The following CST8 variants were observed in gnomAD, a reference collection of about 807,000 sequenced individuals.
CST8 encodes cystatin 8, also known as cystatin-8.
CST8 carries 20 observed loss-of-function variants against 11.8 expected under a neutral mutation model. The ratio of observed to expected loss-of-function variants is 1.70; its 90% confidence interval spans 1.20 to 2.47. CST8 has a LOEUF of 2.47. CST8 is among the 30% of genes most tolerant of loss of function. The pLI is 0.00. For missense variants in CST8, 196 were observed against 167.2 expected, an observed-to-expected ratio of 1.17 and a Z score of -0.95; for synonymous variants, 77 against 63.1, an observed-to-expected ratio of 1.22 and a Z score of -1.05.
the CST8 span, among the ~76,000 whole-genome samples, chr20:23,503,958 A>G: frequency 1.3e-5 from 2 of 152,254 alleles, no homozygotes; most frequent in East Asian, 1.9e-4. Context: ...TGGTGAGAGC[A>G]TGGAACAGAC....
chr20:23,491,879 C>A lies in CST8; in HGVS notation c.212C>A (p.Thr71Lys). Reference protein sequence around the residue: ...EDKYVFLVVKTLQAQLQVTNL... With the variant: ...EDKYVFLVVKKLQAQLQVTNL... ...AAGTATGTCTTCCTGGTGGTCAAGACACTGCAAGCCCAGCTTCAGGTAAAG... is the reference window on the plus strand; with the variant it reads ...AAGTATGTCTTCCTGGTGGTCAAGAAACTGCAAGCCCAGCTTCAGGTAAAG... The change falls in exon 2 of 4, where the codon ACA (threonine) becomes AAA (lysine). Residue 71 changes from threonine to lysine, a missense_variant. Transcript: ENST00000246012. 2 of 1,614,066 alleles carry A rather than the reference C, an allele frequency of 1.2e-6. No homozygotes were observed. The highest frequency in any genetic ancestry group is 1.7e-6 in the Non-Finnish European group (2 of 1,179,902).
intron 3 of CST8, among the ~76,000 whole-genome samples, chr20:23,493,812 T>C (rs1416458987): frequency 6.6e-6 from 1 of 152,236 alleles, no homozygotes; most frequent in African/African-American, 2.4e-5. Flanking sequence ...ACATTGGTGG[T>C]TCTCCAATGT....
downstream of CST8, among the ~76,000 whole-genome samples, chr20:23,498,754 G>A (rs1304277292): frequency 6.6e-6 from 1 of 152,178 alleles, no homozygotes; most frequent in Non-Finnish European, 1.5e-5. Flanking sequence ...AACCAGGATT[G>A]GAATGTGATG....
chr20:23,499,275 T>TGTG (rs1988130352), downstream of CST8, among the ~76,000 whole-genome samples: 4 of 151,876 alleles, frequency 2.6e-5, no homozygotes, highest in African/African-American at 9.7e-5. Flanking sequence ...AATTTAATGT[T>TGTG]ATCTCTTTTC....
rs754575543 is a variant in CST8 at position 23,491,898 on chromosome 20, G to A, written c.231G>A (p.Gln77=). Reference sequence around the variant, plus strand: ...TCAAGACACTGCAAGCCCAGCTTCAGGTAAAGGTGTCTTTCCATATAGGTG... The same window carrying A: ...TCAAGACACTGCAAGCCCAGCTTCAAGTAAAGGTGTCTTTCCATATAGGTG... The part of the protein sequence containing the change: ...LVVKTLQAQL[Q]VTNLLEYLID... Residue 77 remains glutamine (Q), a splice_region_variant and synonymous_variant, in exon 2 of 4, where the codon CAG becomes CAA. Coordinates refer to ENST00000246012, the MANE Select transcript of CST8 (RefSeq NM_005492.4). 6.2e-7 allele frequency: 1 copy of A among 1,612,028 alleles called. No homozygotes were observed.
At chr20:23,499,912 ACAGTT>A (rs919448649), downstream of CST8, among the ~76,000 whole-genome samples, 7 of 152,230 alleles carry the variant, frequency 4.6e-5, no homozygotes, top group African/African-American at 1.7e-4. Flanking sequence ...TATTTGGCTC[ACAGTT>A]CTGTAAGCGG....
At chr20:23,500,667 C>T (rs1052397025), downstream of CST8, among the ~76,000 whole-genome samples, 7 of 151,134 alleles carry the variant, frequency 4.6e-5, no homozygotes, top group Non-Finnish European at 1.0e-4. Context: ...AACCTGGGGG[C>T]GGACGGTGCC....
chr20:23,506,866 C>T, the CST8 span, among the ~76,000 whole-genome samples: 61,865 of 151,748 alleles, frequency 0.41, 13,211 homozygotes, highest in Non-Finnish European at 0.47. Flanking sequence ...GTCTCATTGG[C>T]GAAGAGAAGT....
chr20:23,494,716 A>G (rs906284217), intron 3 of CST8, among the ~76,000 whole-genome samples: 19 of 152,208 alleles, frequency 1.2e-4, no homozygotes, highest in Admixed American at 1.2e-3. Flanking sequence ...CATTTCAATG[A>G]TATTTTGAAA....
chr20:23,506,027 C>T, the CST8 span, among the ~76,000 whole-genome samples: 1,991 of 150,898 alleles, frequency 0.013, 30 homozygotes, highest in African/African-American at 0.044. Context: ...TCCTGTATAC[C>T]ATTTTGCTCC....
chr20:23,492,108 C>T (rs1987905531), intron 2 of CST8, among the ~76,000 whole-genome samples: 1 of 152,178 alleles, frequency 6.6e-6, no homozygotes, highest in South Asian at 2.1e-4. Context: ...CTAAGTCCTT[C>T]GCATAGATTA....
At chr20:23,501,767 T>TA in the CST8 span, among the ~76,000 whole-genome samples, 12 of 152,242 alleles carry the variant, frequency 7.9e-5, no homozygotes, top group African/African-American at 2.9e-4. Flanking sequence ...GTCGTGAACT[T>TA]ATGATGCCTG....
At chr20:23,497,515 T>C (rs913191103), downstream of CST8, among the ~76,000 whole-genome samples, 1 of 152,204 alleles carries the variant, frequency 6.6e-6, no homozygotes, top group Non-Finnish European at 1.5e-5. Flanking sequence ...TCTCTATAAA[T>C]TGGGGGATTT....
chr20:23,501,602 T>C, the CST8 span, among the ~76,000 whole-genome samples: 1 of 152,200 alleles, frequency 6.6e-6, no homozygotes, highest in Admixed American at 6.5e-5. Flanking sequence ...CTTGGCCCCT[T>C]GTGTAGGGGC....
intron 3 of CST8, 138 bp from the exon 4 acceptor site, chr20:23,495,693 G>C: frequency 1.5e-6 from 1 of 655,392 alleles, no homozygotes. Flanking sequence ...GCAGATTCCT[G>C]GGAGCTCGCT....
the CST8 span, among the ~76,000 whole-genome samples, chr20:23,503,207 TTACCCAA>T: frequency 2.0e-5 from 3 of 152,064 alleles, no homozygotes; most frequent in Non-Finnish European, 4.4e-5. Context: ...GAATGAAAAT[TTACCCAA>T]GCTAAAACCA....
downstream of CST8, among the ~76,000 whole-genome samples, chr20:23,497,876 C>T (rs1466305017): frequency 6.6e-6 from 1 of 152,172 alleles, no homozygotes; most frequent in Admixed American, 6.5e-5. Flanking sequence ...CAAACCATAT[C>T]ACTGTGTATG....
chr20:23,506,809 A>G, the CST8 span, among the ~76,000 whole-genome samples: 3 of 152,260 alleles, frequency 2.0e-5, no homozygotes, highest in African/African-American at 4.8e-5. Context: ...GTTCTCAGCC[A>G]CATCAGCTCC....
downstream of CST8, among the ~76,000 whole-genome samples, chr20:23,497,993 G>A (rs1988094997): frequency 6.6e-6 from 1 of 152,086 alleles, no homozygotes; most frequent in Non-Finnish European, 1.5e-5. Flanking sequence ...GTGCATGTGT[G>A]TGTGTGTGTG....
Sources: allele counts gnomAD v4.1 joint callset (sites outside exome capture counted in the v4.1 genomes callset), GRCh38; gene constraint gnomAD v4.1.1; transcripts MANE v1.5; gene names NCBI Gene and HGNC (gene_info 2026-07-23, HGNC 2026-07-21).